APC: variants seen among roughly 807,000 people sequenced by gnomAD.
The protein encoded by APC is adenomatous polyposis coli protein.
In APC, 72 loss-of-function variants were observed where a neutral mutation model predicts 247.0. The ratio of observed to expected loss-of-function variants is 0.29; its 90% CI spans 0.24 to 0.35. The LOEUF is 0.35. Among genes scored for constraint, APC ranks in the 10% least tolerant of loss-of-function variants. The probability of loss-of-function intolerance (pLI) is 1.00; values close to 1 mark genes in which losing one functional copy is unlikely to be tolerated. For synonymous variants in APC, 1,254 were observed against 1,162.5 expected (o/e 1.08, Z -1.60); for missense variants, 3,400 against 3,360.7 (o/e 1.01, Z -0.29).
At chr5:112,775,266 A>T (rs1757493952) in intron 4 of APC, among the ~76,000 whole-genome samples, 1 of 151,876 alleles carries the variant, frequency 6.6e-6, no homozygotes, top group East Asian at 1.9e-4. Context: ...TGCTTTTCTT[A>T]TTTCCTTTAC....
chr5:112,769,289 G>A (rs558715903), intron 4 of APC, among the ~76,000 whole-genome samples: 2 of 152,038 alleles, frequency 1.3e-5, no homozygotes, highest in South Asian at 2.1e-4. Context: ...GACCTCAGGT[G>A]ATCTGCCTGC....
At chr5:112,724,180 A>G (rs1346340850) in intron 1 of APC, among the ~76,000 whole-genome samples, 7 of 152,200 alleles carry the variant, frequency 4.6e-5, no homozygotes, top group Admixed American at 4.6e-4. Flanking sequence ...TTTTAACAGT[A>G]TACATACTCT....
chr5:112,765,106 CTT>C (rs746626024), intron 2 of APC, among the ~76,000 whole-genome samples: 8 of 152,038 alleles, frequency 5.3e-5, no homozygotes, highest in Admixed American at 3.3e-4. Flanking sequence ...GGGGCGATTT[CTT>C]TGTTTCTGTT....
intron 1 of APC, among the ~76,000 whole-genome samples, chr5:112,751,128 G>A (rs1198995456): frequency 1.3e-5 from 2 of 151,990 alleles, no homozygotes; most frequent in Non-Finnish European, 2.9e-5. Flanking sequence ...ACTTACAGAA[G>A]AGTTGGAAAA....
intron 8 of APC, among the ~76,000 whole-genome samples, chr5:112,803,753 G>T (rs1033546658): frequency 3.9e-5 from 6 of 152,034 alleles, no homozygotes; most frequent in African/African-American, 1.4e-4. Context: ...GAACCTATAT[G>T]GTGCATCCAT....
At chr5:112,775,797 C>T (rs2149616973) in intron 5 of APC, 60 bp downstream of exon 5, 1 of 890,500 alleles carries the variant, frequency 1.1e-6, no homozygotes, top group Non-Finnish European at 1.8e-6. Context: ...TTTAAAGTAC[C>T]TAGGTAATCC....
chr5:112,820,224 A>T (rs553064033), intron 10 of APC, among the ~76,000 whole-genome samples: 1 of 151,704 alleles, frequency 6.6e-6, no homozygotes, highest in Non-Finnish European at 1.5e-5. Flanking sequence ...CACGTGCACT[A>T]CAAGTAGATG....
intron 1 of APC, among the ~76,000 whole-genome samples, chr5:112,717,908 C>CTTTTTCTTTTTTTTTTTTTTTTT: frequency 2.5e-5 from 1 of 40,634 alleles, no homozygotes; most frequent in Non-Finnish European, 4.5e-5. Context: ...TTTTCTTTTT[C>CTTTTTCTTTTTTTTTTTTTTTTT]TTTTTTTTTT....
chr5:112,735,041 A>G (rs945770605), upstream of APC, among the ~76,000 whole-genome samples: 2 of 152,154 alleles, frequency 1.3e-5, no homozygotes, highest in African/African-American at 4.8e-5. Flanking sequence ...CATATTTACA[A>G]CATTTACATA....
At chr5:112,713,750 C>A (rs1339008406) in intron 1 of APC, among the ~76,000 whole-genome samples, 3 of 152,190 alleles carry the variant, frequency 2.0e-5, no homozygotes, top group Non-Finnish European at 4.4e-5. Context: ...TCAGTGCAAC[C>A]TCTACCTCTT....
At chr5:112,826,771 TG>T (rs1414338070) in intron 11 of APC, among the ~76,000 whole-genome samples, 12 of 152,124 alleles carry the variant, frequency 7.9e-5, no homozygotes, top group Non-Finnish European at 1.6e-4. Flanking sequence ...TTTCTGCTTA[TG>T]TTCACGAAGA....
rs1422560492 is a variant in APC, at chr5:112,845,835, ATTTAT to A, written c.*1713_*1717del. ...ATACATATTTGTTGAATAAATGAAAATTTATTTTTAGTGATAAGATTCATACACTC... is the reference window on the plus strand; with the variant it reads ...ATACATATTTGTTGAATAAATGAAAATTTTAGTGATAAGATTCATACACTC... On this transcript the variant is annotated 3_prime_UTR_variant, in exon 16 of 16. Coordinates refer to ENST00000257430, the MANE Select transcript of APC (RefSeq NM_000038.6). 8.6e-6 allele frequency: 2 copies of A among 232,052 alleles called. No individual in the cohort carries two copies. The highest frequency in any genetic ancestry group is 1.7e-5 in the Non-Finnish European group (2 of 117,452). 14.4% of individuals were successfully genotyped at this position (232,052 alleles called of 1,614,324 possible). A position where few individuals can be genotyped will look rare whatever the true frequency, so the allele number is the denominator to read the frequency against.
At chr5:112,757,216 C>A (rs1755080024) in intron 2 of APC, among the ~76,000 whole-genome samples, 1 of 152,080 alleles carries the variant, frequency 6.6e-6, no homozygotes, top group Admixed American at 6.5e-5. Context: ...AATTATATCT[C>A]TTTTTAAGGT....
intron 15 of APC, 95 bp from the exon 16 acceptor site, chr5:112,837,458 C>A: frequency 2.3e-6 from 2 of 852,646 alleles, no homozygotes; most frequent in Non-Finnish European, 3.8e-6. Flanking sequence ...ATAATTGGTA[C>A]AATCATATTA....
At chr5:112,717,454 T>C (rs1184941468) in intron 1 of APC, among the ~76,000 whole-genome samples, 1 of 152,250 alleles carries the variant, frequency 6.6e-6, no homozygotes, top group Non-Finnish European at 1.5e-5. Flanking sequence ...AAGATTGCTT[T>C]CTTTGATTTT....
chr5:112,821,767 T>C, intron 10 of APC, 129 bp from the exon 11 acceptor site: 1 of 701,842 alleles, frequency 1.4e-6, no homozygotes, highest in South Asian at 1.6e-5. Flanking sequence ...TCAGCAAATA[T>C]TTGTTGATCC....
intron 8 of APC, among the ~76,000 whole-genome samples, chr5:112,802,341 A>G (rs1395439278): frequency 1.3e-5 from 2 of 152,152 alleles, no homozygotes; most frequent in Non-Finnish European, 2.9e-5. Context: ...CAAGTGGTAA[A>G]TTAGGACAAA....
At chr5:112,714,581 A>G (rs2149644821) in intron 1 of APC, among the ~76,000 whole-genome samples, 1 of 152,312 alleles carries the variant, frequency 6.6e-6, no homozygotes, top group Non-Finnish European at 1.5e-5. Context: ...TTCTTGGGCT[A>G]GCTTATCTTA....
Position 112,827,111 on chromosome 5 carries a change from G to A in APC, c.1412G>A (p.Gly471Glu), listed in dbSNP as rs1191271600. 4 of 1,613,320 alleles carry A rather than the reference G, an allele frequency of 2.5e-6. No homozygotes were observed. The highest frequency in any genetic ancestry group is 3.4e-6 in the Non-Finnish European group (4 of 1,179,772). ...CCTCTTGCCCTTTTTAAATTAGGGG[G>A]ACTACAGGCCATTGCAGAATTATTG... Reference protein sequence around the residue: ...EHRHAMNELGGLQAIAELLQV... With the variant: ...EHRHAMNELGELQAIAELLQV... The change falls in exon 12 of 16, where the codon GGA becomes GAA. Residue 471 changes from glycine (G) to glutamate (E), a missense_variant. Physicochemically the swap from Gly to Glu is moderately conservative, Grantham distance 98. This residue lies in a region of APC where 199 missense variants were observed against 212.5 expected (regional missense o/e 0.94). Transcript: ENST00000257430.
Sources: gnomAD v4.1 joint callset for allele counts (sites outside exome capture counted in the v4.1 genomes callset) on GRCh38, gnomAD v4.1.1 for gene constraint, gnomAD v4.1.1 regional missense constraint, MANE v1.5 for transcripts, NCBI Gene and HGNC (gene_info 2026-07-23, HGNC 2026-07-21) for gene names.